CLIP1: variants seen among roughly 807,000 people sequenced by gnomAD.
CLIP1 encodes the protein CAP-Gly domain containing linker protein 1.
In CLIP1, 66 loss-of-function variants were observed where a neutral mutation model predicts 161.6. The observed-to-expected ratio is 0.41, with a 90% CI of 0.33 to 0.50. CLIP1 has a LOEUF of 0.50. Ranked by LOEUF, CLIP1 falls within the 20% of genes least tolerant of loss-of-function variation. CLIP1 has a pLI of 0.27. For synonymous variants in CLIP1, 598 were observed against 626.2 expected, an observed-to-expected ratio of 0.96 and a Z score of 0.67; for missense variants, 1,376 against 1,702.0, an observed-to-expected ratio of 0.81 and a Z score of 3.37.
At chr12:122,375,330 T>C (rs913917157) in intron 3 of CLIP1, among the ~76,000 whole-genome samples, 5 of 151,792 alleles carry the variant, frequency 3.3e-5, no homozygotes, top group Non-Finnish European at 7.4e-5. Flanking sequence ...TTTTTTTTTT[T>C]CTTTGACATA....
At position 122,422,613 on chromosome 12, in the gene CLIP1, G is replaced by T; in HGVS notation, c.-199C>A. The T allele has an allele frequency of 6.8e-6, 1 of 146,830 alleles. No individual in the cohort carries two copies. The highest frequency in any genetic ancestry group is 1.8e-4 in the South Asian group (1 of 5,478). The allele number at this position is 146,830 out of a possible 1,614,324, so 9.1% of individuals were successfully genotyped here. On this transcript the variant is annotated 5_prime_UTR_variant, in exon 1 of 26. Coordinates refer to ENST00000620786, the MANE Select transcript of CLIP1 (RefSeq NM_001247997.2). ...CTCCCGCCTCCCGGCTCGTCGGCTCGGGGCGGGGGAGAGCGTGACGCGCCG... is the reference window on the plus strand; with the variant it reads ...CTCCCGCCTCCCGGCTCGTCGGCTCTGGGCGGGGGAGAGCGTGACGCGCCG...
intron 4 of CLIP1, among the ~76,000 whole-genome samples, chr12:122,362,375 G>A (rs1011900026): frequency 1.3e-5 from 2 of 151,368 alleles, no homozygotes; most frequent in African/African-American, 4.8e-5. Flanking sequence ...GCCAGGCGCC[G>A]TGGCTCACGC....
At position 122,288,699 on chromosome 12, in the gene CLIP1, G is replaced by A. The variant is rs367880589; in HGVS notation, c.3595-158C>T. Among the ~76,000 whole-genome samples, 141 of 151,864 alleles carry A rather than the reference G, an allele frequency of 9.3e-4. 2 individuals are homozygous for A. In the Middle Eastern group the frequency reaches 0.01, roughly 11 times the overall value. On this transcript the variant is annotated intron_variant, in intron 20 of 25. Coordinates refer to ENST00000620786, the MANE Select transcript of CLIP1 (RefSeq NM_001247997.2). ...ACAAGTGGTCACTCTATCACAGGAT[G>A]TGTAGTTATTAATATATAAATCACT...
chr12:122,298,454 A>T (rs1030684877), intron 20 of CLIP1, among the ~76,000 whole-genome samples: 1 of 152,070 alleles, frequency 6.6e-6, no homozygotes, highest in Non-Finnish European at 1.5e-5. Context: ...ATAAAAAAAA[A>T]TTAGCTGGGC....
At chr12:122,358,366 C>T (rs1350343529) in intron 5 of CLIP1, among the ~76,000 whole-genome samples, 2 of 151,476 alleles carry the variant, frequency 1.3e-5, no homozygotes, top group Non-Finnish European at 1.5e-5. Context: ...TATCTGCTGA[C>T]CTTCCCTCCA....
At chr12:122,337,445 CAA>C (rs1163606204) in intron 11 of CLIP1, among the ~76,000 whole-genome samples, 3 of 70,924 alleles carry the variant, frequency 4.2e-5, no homozygotes, top group Non-Finnish European at 5.7e-5. Context: ...GACTCTGCCT[CAA>C]AAAAAAAAAA....
intron 1 of CLIP1, among the ~76,000 whole-genome samples, chr12:122,385,778 G>C (rs534527923): frequency 1.3e-5 from 2 of 152,310 alleles, no homozygotes; most frequent in Non-Finnish European, 2.9e-5. Flanking sequence ...TAACATATCA[G>C]CAGGAAACAA....
intron 1 of CLIP1, among the ~76,000 whole-genome samples, chr12:122,388,006 T>A (rs1955400248): frequency 6.6e-6 from 1 of 152,208 alleles, no homozygotes; most frequent in Non-Finnish European, 1.5e-5. Context: ...CATTCGTTTT[T>A]AAGAATGTCA....
chr12:122,285,118 T>C (rs1345691300), intron 21 of CLIP1, among the ~76,000 whole-genome samples: 1 of 152,168 alleles, frequency 6.6e-6, no homozygotes, highest in African/African-American at 2.4e-5. Flanking sequence ...GTCCAGCTAA[T>C]TTCATCATTT....
intron 1 of CLIP1, among the ~76,000 whole-genome samples, chr12:122,394,900 C>T (rs1050885068): frequency 6.6e-6 from 1 of 152,046 alleles, no homozygotes; most frequent in Non-Finnish European, 1.5e-5. Flanking sequence ...AATATTAACC[C>T]TCAGAGACTA....
Position 122,279,478 on chromosome 12 carries a change from A to C in CLIP1, c.3648-333T>G. 6.2e-6 allele frequency: 1 copy of C among 160,982 alleles called. No homozygotes were observed. The highest frequency in any genetic ancestry group is 2.4e-5 in the African/African-American group (1 of 41,894). The allele number at this position is 160,982 out of a possible 1,614,324, so 10.0% of individuals were successfully genotyped here. Reference sequence around the variant, plus strand: ...GCACCCTCCCCAATATTCTACTAAAATCTAACCCCAAGTTGAAGTTTGTTA... The same window carrying C: ...GCACCCTCCCCAATATTCTACTAAACTCTAACCCCAAGTTGAAGTTTGTTA... On this transcript the variant is annotated intron_variant, in intron 21 of 25. Coordinates refer to ENST00000620786, the MANE Select transcript of CLIP1 (RefSeq NM_001247997.2). The surrounding 1 kb of genome is among the most constrained non-coding windows in gnomAD (Gnocchi z 4.5).
intron 21 of CLIP1, among the ~76,000 whole-genome samples, chr12:122,287,629 T>A (rs941184042): frequency 6.6e-6 from 1 of 152,168 alleles, no homozygotes; most frequent in African/African-American, 2.4e-5. Context: ...AGCAAAGACT[T>A]ATCAGCTTAT....
chr12:122,367,648 T>C (rs1954235225), intron 3 of CLIP1, among the ~76,000 whole-genome samples: 1 of 152,222 alleles, frequency 6.6e-6, no homozygotes. Context: ...GAAGGCACTA[T>C]TATCAAATCA....
rs139350090 is a variant in CLIP1, at chr12:122,363,925, G to A, written c.782+58C>T. ...GTTATGATACACGCTTGGTGAGACTGGCCTGAGCATCGTCACGTACAAGAG... is the reference window on the plus strand; with the variant it reads ...GTTATGATACACGCTTGGTGAGACTAGCCTGAGCATCGTCACGTACAAGAG... On this transcript the variant is annotated intron_variant, in intron 4 of 25. Transcript: ENST00000620786. The A allele has an allele frequency of 3.4e-5, 55 of 1,610,556 alleles. No individual in the cohort carries two copies. The East Asian group carries it at 1.2e-3, about 35-fold the overall frequency.
chr12:122,407,886 T>C (rs555127897), intron 1 of CLIP1, among the ~76,000 whole-genome samples: 1 of 151,466 alleles, frequency 6.6e-6, no homozygotes, highest in East Asian at 1.9e-4. Flanking sequence ...CCAAAACTGC[T>C]CTGAACAAGA....
chr12:122,407,744 G>T (rs2137135200), intron 1 of CLIP1, among the ~76,000 whole-genome samples: 1 of 23,864 alleles, frequency 4.2e-5, no homozygotes, highest in African/African-American at 3.1e-4. Flanking sequence ...GTGAGACCCT[G>T]TCTCAAAAAA....
chr12:122,409,211 T>C (rs1956439079), intron 1 of CLIP1, among the ~76,000 whole-genome samples: 1 of 152,024 alleles, frequency 6.6e-6, no homozygotes, highest in South Asian at 2.1e-4. Context: ...CTGCAACCAC[T>C]GCCACCCAGG....
chr12:122,353,762 C>T (rs940747467), intron 7 of CLIP1, among the ~76,000 whole-genome samples: 2 of 151,976 alleles, frequency 1.3e-5, no homozygotes, highest in African/African-American at 4.8e-5. Context: ...TCCCAAGTAG[C>T]TGGGATTACA....
intron 1 of CLIP1, among the ~76,000 whole-genome samples, chr12:122,406,373 CA>C (rs1956330658): frequency 6.6e-6 from 1 of 152,134 alleles, no homozygotes; most frequent in African/African-American, 2.4e-5. Context: ...ATAAATGGAT[CA>C]ATGTGAAAAG....
Sources: allele counts gnomAD v4.1 joint callset (sites outside exome capture counted in the v4.1 genomes callset), GRCh38; gene constraint gnomAD v4.1.1; non-coding constraint Gnocchi (gnomAD v3.1); transcripts MANE v1.5; gene names NCBI Gene and HGNC (gene_info 2026-07-23, HGNC 2026-07-21).